The following DDX47 variants were observed in gnomAD, a reference collection of about 807,000 sequenced individuals.
DDX47 encodes the protein probable ATP-dependent RNA helicase DDX47.
In DDX47, 60 loss-of-function variants were observed where a neutral mutation model predicts 58.8. The ratio of observed to expected loss-of-function variants is 1.02; its 90% CI spans 0.83 to 1.26. The LOEUF is 1.26. DDX47 is among the 50% of genes most tolerant of loss of function. The pLI is 0.00. For synonymous variants in DDX47, 197 were observed against 204.6 expected, an observed-to-expected ratio of 0.96 and a Z score of 0.32; for missense variants, 530 against 573.2, an observed-to-expected ratio of 0.92 and a Z score of 0.77.
rs982478387 is a variant in DDX47 at position 12,824,440 on chromosome 12, T to C, written c.898-100T>C. 5 of 1,402,462 alleles carry C rather than the reference T, an allele frequency of 3.6e-6. No homozygotes were observed. In the South Asian group the frequency reaches 6.9e-5, roughly 19 times the overall value. The allele number at this position is 1,402,462 out of a possible 1,614,324, so 86.9% of individuals were successfully genotyped here. A position where few individuals can be genotyped will look rare whatever the true frequency, so the allele number is the denominator to read the frequency against. On this transcript the variant is annotated intron_variant, in intron 8 of 11. Transcript: ENST00000358007. ...TTCAAAACTTAGGGGGAAAAACCTTTAAAAAATTTATGTCTGTTTGTTCTC... is the reference window on the plus strand; with the variant it reads ...TTCAAAACTTAGGGGGAAAAACCTTCAAAAAATTTATGTCTGTTTGTTCTC...
At chr12:12,826,853 G>T (rs550479593) in intron 10 of DDX47, among the ~76,000 whole-genome samples, 1 of 152,224 alleles carries the variant, frequency 6.6e-6, no homozygotes, top group East Asian at 1.9e-4. Flanking sequence ...AAACTCCTGG[G>T]CTCAAGTAGT....
In DDX47 at chr12:12,816,772, G is replaced by A. The variant is rs369546442; in HGVS notation, c.181+2548G>A. Among the ~76,000 whole-genome samples, 241 of 152,292 alleles carry A rather than the reference G, an allele frequency of 1.6e-3. 6 individuals are homozygous for A. Among genetic ancestry groups the A allele is most frequent in the African/African-American group, 5.5e-3 (228 of 41,556 alleles). On this transcript the variant is annotated intron_variant, in intron 2 of 11. Coordinates refer to ENST00000358007, the MANE Select transcript of DDX47 (RefSeq NM_016355.4). ...CAGAGAAGTTTGGAGGATAAGGACC[G>A]TATAAAGGCCAGTGGTGGGAAAGAA...
At chr12:12,823,088 G>A in intron 6 of DDX47, 115 bp from the exon 7 acceptor site, 1 of 746,030 alleles carries the variant, frequency 1.3e-6, no homozygotes, top group Non-Finnish European at 2.4e-6. Context: ...TCCCTCCCGT[G>A]ACATGTGGGG....
chr12:12,824,355 A>T (rs1187928597), intron 8 of DDX47, 185 bp from the exon 9 acceptor site: 6 of 610,786 alleles, frequency 9.8e-6, no homozygotes, highest in African/African-American at 1.9e-5. Flanking sequence ...ATTTTGTATC[A>T]TATATATTTT....
Position 12,823,967 on chromosome 12 carries a change from T to C in DDX47, c.848T>C (p.Leu283Pro). ...AATACCCAGAGAACAGCTTTGCTACTGCGAAATCTTGGCTTCACTGCCATC... is the reference window on the plus strand; with the variant it reads ...AATACCCAGAGAACAGCTTTGCTACCGCGAAATCTTGGCTTCACTGCCATC... The part of the protein sequence containing the change: ...CNNTQRTALL[L>P]RNLGFTAIPL... The change falls in exon 8 of 12, where the codon CTG becomes CCG. Residue 283 changes from leucine to proline, a missense_variant. By Grantham distance (98) the Leu-to-Pro change is moderately conservative. Transcript: ENST00000358007. 1 of 1,614,162 alleles carries C rather than the reference T, an allele frequency of 6.2e-7. No individual in the cohort carries two copies. The highest frequency in any genetic ancestry group is 8.5e-7 in the Non-Finnish European group (1 of 1,180,024).
intron 11 of DDX47, among the ~76,000 whole-genome samples, chr12:12,828,223 GAC>G (rs1863084915): frequency 6.6e-6 from 1 of 152,042 alleles, no homozygotes; most frequent in African/African-American, 2.4e-5. Flanking sequence ...GACCTCGTGT[GAC>G]AGGTTGCTAT....
At chr12:12,828,531 C>G (rs1014041192) in intron 11 of DDX47, among the ~76,000 whole-genome samples, 1 of 152,166 alleles carries the variant, frequency 6.6e-6, no homozygotes, top group Admixed American at 6.6e-5. Context: ...TGAGAAGATT[C>G]TAGAGGAAAA....
chr12:12,827,944 C>T (rs1367941196), intron 11 of DDX47, among the ~76,000 whole-genome samples: 8 of 138,566 alleles, frequency 5.8e-5, no homozygotes, highest in East Asian at 2.2e-4. Flanking sequence ...GGTGCAATCT[C>T]GGCTCACCAC....
chr12:12,827,869 CTTTTTTCTT>C (rs1863077416), intron 11 of DDX47, among the ~76,000 whole-genome samples: 1 of 109,692 alleles, frequency 9.1e-6, no homozygotes, highest in African/African-American at 3.4e-5. Context: ...CAAAACTTTT[CTTTTTTCTT>C]TTTTTTTTTT....
intron 3 of DDX47, 23 bp from the exon 4 acceptor site, chr12:12,821,631 TC>T: frequency 6.2e-7 from 1 of 1,609,178 alleles, no homozygotes; most frequent in Non-Finnish European, 8.5e-7. Flanking sequence ...GGATCTCGTC[TC>T]TATGTTCTTT....
In DDX47 at chr12:12,821,326, G is replaced by A. The variant is rs760971551; in HGVS notation, c.300G>A (p.Pro100=). The part of the protein sequence containing the change: ...PQRLFALVLT[P]TRELAFQISE... ...GTTTGTTTGCCCTAGTTCTTACCCC[G>A]ACTCGGGAGCTGGCCTTTCAGATCT... The change falls in exon 3 of 12, where the codon CCG becomes CCA. Residue 100 remains proline, a synonymous_variant. Transcript: ENST00000358007. 27 of 1,614,038 alleles carry A rather than the reference G, an allele frequency of 1.7e-5. No individual in the cohort carries two copies. The highest frequency in any genetic ancestry group is 1.4e-4 in the South Asian group (13 of 91,080).
intron 8 of DDX47, 82 bp from the exon 9 acceptor site, chr12:12,824,458 T>G: frequency 6.7e-7 from 1 of 1,483,902 alleles, no homozygotes; most frequent in Non-Finnish European, 9.1e-7. Flanking sequence ...TTATGTCTGT[T>G]TGTTCTCGTG....
In DDX47 at chr12:12,826,039, C is replaced by T. The variant is rs770311332; in HGVS notation, c.1075C>T (p.Arg359Cys). The T allele has an allele frequency of 3.4e-5, 55 of 1,613,356 alleles. 1 individual carries two copies. The highest frequency in any genetic ancestry group is 1.6e-4 in the Middle Eastern group (1 of 6,080). ...AGTAGGTCGAACAGCTAGAGCTGGG[C>T]GCTCCGGAAAGGCTATTACTTTTGT... ...HRVGRTARAG[R>C]SGKAITFVTQ... Residue 359 changes from arginine (R) to cysteine (C), a missense_variant, in exon 10 of 12, where the codon CGC becomes TGC. Coordinates refer to ENST00000358007, the MANE Select transcript of DDX47 (RefSeq NM_016355.4).
At chr12:12,826,439 C>G (rs1253576316) in intron 10 of DDX47, 1 of 155,722 alleles carries the variant, frequency 6.4e-6, no homozygotes, top group African/African-American at 2.4e-5. Flanking sequence ...GATTTTCTCC[C>G]TCCCTCCTTT....
At chr12:12,827,116 A>G in intron 10 of DDX47, 130 bp from the exon 11 acceptor site, 2 of 1,210,404 alleles carry the variant, frequency 1.7e-6, no homozygotes, top group Non-Finnish European at 2.3e-6. Flanking sequence ...CATATTTAGA[A>G]AAGAAATAAT....
At position 12,823,275 on chromosome 12, in the gene DDX47, G is replaced by C. The variant is rs1259751523; in HGVS notation, c.706G>C (p.Glu236Gln). 1.2e-6 allele frequency: 2 copies of C among 1,611,606 alleles called. No homozygotes were observed. The highest frequency in any genetic ancestry group is 1.7e-5 in the Admixed American group (1 of 59,998). Residue 236 changes from glutamate to glutamine, a missense_variant, in exon 7 of 12, where the codon GAA becomes CAA. By Grantham distance (29) the Glu-to-Gln change is conservative. Coordinates refer to ENST00000358007, the MANE Select transcript of DDX47 (RefSeq NM_016355.4). ...CGTTTCCTCTAAATACCAGACAGTT[G>C]AAAAATTACAGCAATATTATATTTT... ...CAVSSKYQTV[E>Q]KLQQYYIFIP...
chr12:12,813,636 G>A, intron 1 of DDX47, 182 bp downstream of exon 1: 2 of 627,082 alleles, frequency 3.2e-6, no homozygotes, highest in Non-Finnish European at 5.5e-6. Flanking sequence ...TGGGAGGGCT[G>A]CTGGGCCCTG....
intron 2 of DDX47, chr12:12,814,727 G>A (rs969343776): frequency 1.3e-5 from 2 of 156,124 alleles, no homozygotes; most frequent in East Asian, 1.9e-4. Flanking sequence ...TGTCGCCCAG[G>A]CTGGAGTGCA....
chr12:12,814,063 G>A (rs965654890), intron 1 of DDX47, 68 bp from the exon 2 acceptor site: 1 of 954,470 alleles, frequency 1.0e-6, no homozygotes, highest in Non-Finnish European at 1.7e-6. Flanking sequence ...GGGTCTGACA[G>A]TCAGTTAAGT....
Sources: gnomAD v4.1 joint callset for allele counts (sites outside exome capture counted in the v4.1 genomes callset) on GRCh38, gnomAD v4.1.1 for gene constraint, MANE v1.5 for transcripts, NCBI Gene and HGNC (gene_info 2026-07-23, HGNC 2026-07-21) for gene names.